Variants in PIK3R5 observed in about 807,000 individuals in gnomAD.
PIK3R5 encodes phosphoinositide 3-kinase regulatory subunit 5.
Under a neutral mutation model 94.9 loss-of-function variants are expected in PIK3R5, and 32 were observed. The ratio of observed to expected loss-of-function variants is 0.34; its 90% CI spans 0.25 to 0.45. The LOEUF (loss-of-function observed/expected upper bound fraction) is 0.45, where lower values mean the gene tolerates loss of function less well. Among genes scored for constraint, PIK3R5 ranks in the 20% least tolerant of loss-of-function variants. PIK3R5 has a pLI of 1.00. For synonymous variants in PIK3R5, 443 were observed against 479.4 expected (o/e 0.92, Z 0.99); for missense variants, 853 against 1,144.6 (o/e 0.75, Z 3.68).
At chr17:8,885,238 C>A (rs1194277507) in intron 14 of PIK3R5, among the ~76,000 whole-genome samples, 1 of 151,534 alleles carries the variant, frequency 6.6e-6, no homozygotes, top group Non-Finnish European at 1.5e-5. Context: ...TCCCATGGTC[C>A]TGCCTCCCGG....
intron 5 of PIK3R5, among the ~76,000 whole-genome samples, chr17:8,898,923 A>G (rs1304984942): frequency 6.6e-6 from 1 of 152,234 alleles, no homozygotes; most frequent in African/African-American, 2.4e-5. Context: ...TGAGAAGAAT[A>G]TGACTTTTCC....
chr17:8,897,478 C>G (rs548755970), intron 5 of PIK3R5, among the ~76,000 whole-genome samples: 1 of 152,200 alleles, frequency 6.6e-6, no homozygotes, highest in Non-Finnish European at 1.5e-5. Context: ...GCAGAGCCAC[C>G]GGGCTTGTGG....
chr17:8,937,299 T>C (rs2091094122), intron 1 of PIK3R5, among the ~76,000 whole-genome samples: 1 of 152,220 alleles, frequency 6.6e-6, no homozygotes, highest in South Asian at 2.1e-4. Flanking sequence ...ATATGAGTGG[T>C]AAGTGAAGAC....
At position 8,888,465 on chromosome 17, in the gene PIK3R5, C is replaced by G. The variant is rs371299638; in HGVS notation, c.1322G>C (p.Arg441Pro). Residue 441 changes from arginine (R) to proline (P), a missense_variant, in exon 10 of 19, where the codon CGG (arginine) becomes CCG (proline). By Grantham distance (103) the Arg-to-Pro change is moderately radical. Transcript: ENST00000447110. This position sits in a 1 kb window ranked among gnomAD's most constrained non-coding sequence, Gnocchi z 7.8. ...CGTGTCCGAGCTGCCCTCCAGGCTC[C>G]GAGAGTCCCTCCGCAGTACCAGCTG... The part of the protein sequence containing the change: ...TSQLVLRRDS[R>P]SLEGSSDTAL... 1.2e-6 allele frequency: 2 copies of G among 1,600,458 alleles called. No individual in the cohort carries two copies. Among genetic ancestry groups the G allele is most frequent in the South Asian group, 1.1e-5 (1 of 89,702 alleles).
In PIK3R5 at chr17:8,893,922, T is replaced by C. The variant is rs2090087247; in HGVS notation, c.413-267A>G. On this transcript the variant is annotated intron_variant, in intron 5 of 18. Transcript: ENST00000447110. The surrounding 1 kb of genome is among the most constrained non-coding windows in gnomAD (Gnocchi z 5.1). ...GGCCTCGCTGTCCTCTGGATTCCCG[T>C]GGCCTCTCTGACTGCCCTCCCTTCC... 1 of 313,482 alleles carries C rather than the reference T, an allele frequency of 3.2e-6. No individual in the cohort carries two copies. Among genetic ancestry groups the C allele is most frequent in the South Asian group, 5.2e-5 (1 of 19,194 alleles). The allele number at this position is 313,482 out of a possible 1,614,324, so 19.4% of individuals were successfully genotyped here. A position where few individuals can be genotyped will look rare whatever the true frequency, so the allele number is the denominator to read the frequency against.
rs1419038450 is a variant in PIK3R5 at position 8,887,691 on chromosome 17, G to A, written c.1617-8C>T. On this transcript the variant is annotated splice_region_variant and splice_polypyrimidine_tract_variant and intron_variant, in intron 10 of 18. Coordinates refer to ENST00000447110, the MANE Select transcript of PIK3R5 (RefSeq NM_001142633.3). ...CGATTGTTCTCCAGCCGCCTGGCAA[G>A]AAGAAGATGGTGAGAAGGGGAATGG... is the stretch of plus-strand genomic sequence containing the variant. 1.3e-6 allele frequency: 2 copies of A among 1,583,328 alleles called. No homozygotes were observed. Among genetic ancestry groups the A allele is most frequent in the Non-Finnish European group, 1.7e-6 (2 of 1,164,420 alleles).
At chr17:8,921,040 C>T (rs1424156161) in intron 1 of PIK3R5, among the ~76,000 whole-genome samples, 1 of 151,942 alleles carries the variant, frequency 6.6e-6, no homozygotes, top group East Asian at 1.9e-4. Context: ...CGGGTTTCAC[C>T]ATGTTGGTCA....
At chr17:8,920,844 C>CT (rs66921095) in intron 1 of PIK3R5, among the ~76,000 whole-genome samples, 9,550 of 133,604 alleles carry the variant, frequency 0.071, 799 homozygotes, top group African/African-American at 0.2. Context: ...TTTTCTTTTT[C>CT]TTTTTTTTTT....
chr17:8,899,598 G>A (rs2090230468), intron 5 of PIK3R5, among the ~76,000 whole-genome samples: 1 of 152,196 alleles, frequency 6.6e-6, no homozygotes, highest in South Asian at 2.1e-4. Context: ...GTATTTGCAA[G>A]TACAATGGTC....
chr17:8,893,047 TG>T lies in PIK3R5; in HGVS notation c.482+538del, dbSNP rs1460256188. On this transcript the variant is annotated intron_variant, in intron 6 of 18. Coordinates refer to ENST00000447110, the MANE Select transcript of PIK3R5 (RefSeq NM_001142633.3). The surrounding 1 kb of genome is among the most constrained non-coding windows in gnomAD (Gnocchi z 5.1). The stretch of plus-strand genomic sequence containing the variant: ...TAACCAGGATACATTTCATTTCAGC[TG>T]TGTGTGTGTGTGTGTGTGTGTGTGT... Among the ~76,000 whole-genome samples the T allele has an allele frequency of 2.6e-5, 2 of 76,096 alleles. No homozygotes were observed. The highest frequency in any genetic ancestry group is 1.7e-4 in the African/African-American group (2 of 12,024). 49.9% of individuals were successfully genotyped at this position (76,096 alleles called of 152,430 possible).
intron 15 of PIK3R5, among the ~76,000 whole-genome samples, chr17:8,883,379 C>A (rs1375636669): frequency 6.6e-6 from 1 of 152,152 alleles, no homozygotes; most frequent in Non-Finnish European, 1.5e-5. Context: ...AAAAAACAAA[C>A]AAAAAACCAC....
At chr17:8,952,814 C>A (rs1041888753) in intron 1 of PIK3R5, among the ~76,000 whole-genome samples, 7 of 152,170 alleles carry the variant, frequency 4.6e-5, no homozygotes, top group Non-Finnish European at 1.0e-4. Flanking sequence ...AGTAAGCCTG[C>A]AGCTTTGAAA....
rs1365905724 is a variant in PIK3R5 at position 8,904,222 on chromosome 17, C to A, written c.412+555G>T. Among the ~76,000 whole-genome samples, 1 of 152,210 alleles carries A rather than the reference C, an allele frequency of 6.6e-6. No individual in the cohort carries two copies. The highest frequency in any genetic ancestry group is 1.9e-4 in the East Asian group (1 of 5,202). Reference sequence around the variant, plus strand: ...GCTTCCTTAGACCTGATTTGCATGTCTATGACAGCACCTGCAATTTCTGAA... The same window carrying A: ...GCTTCCTTAGACCTGATTTGCATGTATATGACAGCACCTGCAATTTCTGAA... On this transcript the variant is annotated intron_variant, in intron 5 of 18. Coordinates refer to ENST00000447110, the MANE Select transcript of PIK3R5 (RefSeq NM_001142633.3). This position sits in a 1 kb window ranked among gnomAD's most constrained non-coding sequence, Gnocchi z 5.1.
At chr17:8,910,327 T>G (rs1247121579) in intron 2 of PIK3R5, among the ~76,000 whole-genome samples, 2 of 152,146 alleles carry the variant, frequency 1.3e-5, no homozygotes, top group Non-Finnish European at 2.9e-5. Flanking sequence ...GGTCAGATAT[T>G]TTTATATTCT....
rs1162164745 is a variant in PIK3R5, at chr17:8,955,542, C to A, written c.-14+10054G>T. ...GTGGGGTGCCATCAAAGTATCTGAA[C>A]ACAGTGACATAGAAGTTTTCATAAG... On this transcript the variant is annotated intron_variant, in intron 1 of 18. Transcript: ENST00000447110. The surrounding 1 kb of genome is among the most constrained non-coding windows in gnomAD (Gnocchi z 4.4). Among the ~76,000 whole-genome samples the A allele has an allele frequency of 6.6e-6, 1 of 152,174 alleles. No homozygotes were observed.
chr17:8,886,650 A>G, intron 12 of PIK3R5, 45 bp from the exon 13 acceptor site: 5 of 1,538,436 alleles, frequency 3.3e-6, no homozygotes, highest in Non-Finnish European at 4.4e-6. Flanking sequence ...GGGTGGGTGG[A>G]TAGATGGTAA....
intron 14 of PIK3R5, among the ~76,000 whole-genome samples, chr17:8,885,253 C>T (rs61761111): frequency 6.6e-6 from 1 of 150,910 alleles, no homozygotes; most frequent in Non-Finnish European, 1.5e-5. Flanking sequence ...TCCCGGTAAC[C>T]GTGCCTCCCC....
rs1164502462 is a variant in PIK3R5 at position 8,881,552 on chromosome 17, C to A, written c.2382+78G>T. 1.8e-6 allele frequency: 2 copies of A among 1,087,968 alleles called. No individual in the cohort carries two copies. Among genetic ancestry groups the A allele is most frequent in the East Asian group, 2.5e-5 (1 of 39,852 alleles). The allele number at this position is 1,087,968 out of a possible 1,614,324, so 67.4% of individuals were successfully genotyped here. On this transcript the variant is annotated intron_variant, in intron 17 of 18. Transcript: ENST00000447110. This position sits in a 1 kb window ranked among gnomAD's most constrained non-coding sequence, Gnocchi z 4.8. ...ACATGCACACACATACATGTGCACA[C>A]ACACGTACACACATACGCACATGCA...
intron 3 of PIK3R5, among the ~76,000 whole-genome samples, chr17:8,907,617 TC>T (rs2090424095): frequency 6.7e-6 from 1 of 150,070 alleles, no homozygotes; most frequent in Admixed American, 6.6e-5. Context: ...TTGGTTTTTA[TC>T]TTTTTTTAAC....
Sources: gnomAD v4.1 joint callset for allele counts (sites outside exome capture counted in the v4.1 genomes callset) on GRCh38, gnomAD v4.1.1 for gene constraint, Gnocchi (gnomAD v3.1) non-coding constraint, MANE v1.5 for transcripts, NCBI Gene and HGNC (gene_info 2026-07-23, HGNC 2026-07-21) for gene names.